CCDC158: variants seen among roughly 807,000 people sequenced by gnomAD.
CCDC158 encodes coiled-coil domain-containing protein 158.
A neutral mutation model predicts 138.6 loss-of-function variants in CCDC158; 116 were observed. The observed-to-expected ratio is 0.84, with a 90% CI of 0.72 to 0.98. CCDC158 has a LOEUF of 0.98. CCDC158 is among the 50% of genes least tolerant of loss of function. The pLI, the probability that CCDC158 is intolerant of heterozygous loss-of-function variation, is 0.00. For synonymous variants in CCDC158, 436 were observed against 442.4 expected (o/e 0.99, Z 0.18); for missense variants, 1,265 against 1,306.1 (o/e 0.97, Z 0.48).
intron 18 of CCDC158, chr4:76,344,627 T>C (rs955386441): frequency 1.3e-6 from 2 of 1,531,736 alleles, no homozygotes; most frequent in African/African-American, 1.4e-5. Context: ...GTGAGAGAGA[T>C]AAAGTCAAAT....
chr4:76,340,132 A>G (rs960350909), intron 18 of CCDC158, among the ~76,000 whole-genome samples: 1 of 152,222 alleles, frequency 6.6e-6, no homozygotes, highest in Non-Finnish European at 1.5e-5. Context: ...AACAACAACT[A>G]TGTTCAAGTT....
chr4:76,343,876 G>C (rs1456951846), intron 18 of CCDC158, among the ~76,000 whole-genome samples: 2 of 152,170 alleles, frequency 1.3e-5, no homozygotes, highest in Non-Finnish European at 2.9e-5. Flanking sequence ...GCTACATAAA[G>C]AGAAGACTTT....
chr4:76,376,057 CT>C (rs398063708), intron 9 of CCDC158, among the ~76,000 whole-genome samples: 130 of 145,720 alleles, frequency 8.9e-4, no homozygotes, highest in Middle Eastern at 7.1e-3. Flanking sequence ...ACAAATCTCA[CT>C]TTTTTTTTTT....
intron 21 of CCDC158, among the ~76,000 whole-genome samples, chr4:76,329,340 C>T (rs1578876964): frequency 5.3e-5 from 8 of 152,194 alleles, no homozygotes; most frequent in African/African-American, 2.4e-5. Context: ...AATCCCAGCA[C>T]TTTCGGAGGC....
intron 8 of CCDC158, 70 bp downstream of exon 8, chr4:76,382,540 A>C: frequency 1.0e-6 from 1 of 964,378 alleles, no homozygotes; most frequent in Non-Finnish European, 1.6e-6. Flanking sequence ...AAAAGATTAT[A>C]GAACAGAAAG....
At chr4:76,361,025 G>C (rs1724078959) in intron 13 of CCDC158, among the ~76,000 whole-genome samples, 1 of 152,162 alleles carries the variant, frequency 6.6e-6, no homozygotes, top group Admixed American at 6.5e-5. Context: ...GATCATGGGG[G>C]CGGATTTCCC....
chr4:76,340,998 C>T (rs1427420184), intron 18 of CCDC158, among the ~76,000 whole-genome samples: 2 of 152,112 alleles, frequency 1.3e-5, no homozygotes, highest in African/African-American at 2.4e-5. Flanking sequence ...GGGAAGAATA[C>T]AAGCTTATAC....
chr4:76,405,377 A>G (rs1183882853), intron 2 of CCDC158, among the ~76,000 whole-genome samples: 3 of 152,210 alleles, frequency 2.0e-5, no homozygotes, highest in African/African-American at 7.2e-5. Context: ...TGAGGATTCT[A>G]CTAGAGAAGA....
intron 14 of CCDC158, among the ~76,000 whole-genome samples, chr4:76,356,337 T>C (rs77855175): frequency 0.026 from 3,887 of 150,668 alleles, 94 homozygotes; most frequent in Non-Finnish European, 0.04. Flanking sequence ...AAGTGGATCA[T>C]GGTTGGCCTT....
At chr4:76,417,885 T>G (rs911649417) in intron 1 of CCDC158, among the ~76,000 whole-genome samples, 1 of 152,166 alleles carries the variant, frequency 6.6e-6, no homozygotes, top group Non-Finnish European at 1.5e-5. Flanking sequence ...TGACTCCCAG[T>G]GAAGAAGGCT....
At chr4:76,315,760 G>A (rs990496641) in intron 24 of CCDC158, among the ~76,000 whole-genome samples, 7 of 152,050 alleles carry the variant, frequency 4.6e-5, no homozygotes, top group African/African-American at 1.2e-4. Flanking sequence ...TGGTATCCAC[G>A]GCTGGGAGAC....
In CCDC158 at chr4:76,353,129, C is replaced by T; in HGVS notation, c.2439G>A (p.Leu813=). 6.2e-7 allele frequency: 1 copy of T among 1,610,296 alleles called. No individual in the cohort carries two copies. Among genetic ancestry groups the T allele is most frequent in the Non-Finnish European group, 8.5e-7 (1 of 1,178,596 alleles). Residue 813 remains leucine, a synonymous_variant, in exon 16 of 25, where the codon CTG becomes CTA. Coordinates refer to ENST00000682701, the MANE Select transcript of CCDC158 (RefSeq NM_001394954.1). ...KEKVTNMEVA[L]DKASLQFAEC... Reference sequence around the variant, plus strand: ...ATGTTTAGTTAATAATTACCTTATCCAGAGCCACTTCCATATTAGTAACCT... The same window carrying T: ...ATGTTTAGTTAATAATTACCTTATCTAGAGCCACTTCCATATTAGTAACCT...
At chr4:76,337,154 GT>G (rs982345238) in intron 18 of CCDC158, among the ~76,000 whole-genome samples, 2 of 151,684 alleles carry the variant, frequency 1.3e-5, no homozygotes, top group Non-Finnish European at 2.9e-5. Context: ...CTATTTTTGG[GT>G]TTTTTTGTAT....
intron 4 of CCDC158, among the ~76,000 whole-genome samples, chr4:76,389,044 C>A (rs1381784338): frequency 2.6e-5 from 4 of 151,926 alleles, no homozygotes; most frequent in Admixed American, 1.3e-4. Context: ...ACTTCAATGC[C>A]CAGACACCAA....
chr4:76,339,428 T>C (rs529141155), intron 18 of CCDC158, among the ~76,000 whole-genome samples: 1 of 152,208 alleles, frequency 6.6e-6, no homozygotes, highest in Non-Finnish European at 1.5e-5. Context: ...TAGCAGAGAA[T>C]AGTGAGGCAC....
At chr4:76,383,096 A>G (rs1726432377) in intron 7 of CCDC158, among the ~76,000 whole-genome samples, 1 of 152,230 alleles carries the variant, frequency 6.6e-6, no homozygotes, top group Non-Finnish European at 1.5e-5. Context: ...AGCTCTGGTC[A>G]GGTTTTTCCA....
chr4:76,379,679 A>G (rs769305789), intron 8 of CCDC158, among the ~76,000 whole-genome samples: 1 of 152,156 alleles, frequency 6.6e-6, no homozygotes, highest in Middle Eastern at 3.4e-3. Flanking sequence ...GTTTTAACAT[A>G]CAACTCAAAT....
rs1018941270 is a variant in CCDC158 at position 76,367,233 on chromosome 4, C to T, written c.1830+61G>A. 1.9e-6 allele frequency: 3 copies of T among 1,539,252 alleles called. No homozygotes were observed. The African/African-American group carries it at 4.1e-5, about 21-fold the overall frequency. ...AGATACCAAGAACCACTTTTCAGTA[C>T]AGGTCATACCTGCTAATAAATGATA... is the stretch of plus-strand genomic sequence containing the variant. On this transcript the variant is annotated intron_variant, in intron 12 of 24. Coordinates refer to ENST00000682701, the MANE Select transcript of CCDC158 (RefSeq NM_001394954.1).
chr4:76,398,867 A>G (rs1419151582), intron 3 of CCDC158, among the ~76,000 whole-genome samples: 2 of 152,132 alleles, frequency 1.3e-5, no homozygotes, highest in African/African-American at 4.8e-5. Context: ...ATGGTTATAA[A>G]TTTAAAGAGA....
Sources: gnomAD v4.1 joint callset for allele counts (sites outside exome capture counted in the v4.1 genomes callset) on GRCh38, gnomAD v4.1.1 for gene constraint, MANE v1.5 for transcripts, NCBI Gene and HGNC (gene_info 2026-07-23, HGNC 2026-07-21) for gene names.